PHLPP1: variants seen among roughly 807,000 people sequenced by gnomAD.
PHLPP1 encodes the protein PH domain and leucine rich repeat protein phosphatase 1.
A neutral mutation model predicts 117.2 loss-of-function variants in PHLPP1; 42 were observed. The ratio of observed to expected loss-of-function variants is 0.36; its 90% CI spans 0.28 to 0.46. PHLPP1 has a LOEUF of 0.46. Among genes scored for constraint, PHLPP1 ranks in the 20% least tolerant of loss-of-function variants. The pLI, the probability that PHLPP1 is intolerant of heterozygous loss-of-function variation, is 1.00. For synonymous variants in PHLPP1, 1,042 were observed against 970.7 expected (o/e 1.07, Z -1.37); for missense variants, 2,084 against 2,241.9 (o/e 0.93, Z 1.42).
At position 62,742,572 on chromosome 18, in the gene PHLPP1, A is replaced by G. The variant is rs552365694; in HGVS notation, c.1576+25313A>G. On this transcript the variant is annotated intron_variant, in intron 1 of 16. Coordinates refer to ENST00000262719, the MANE Select transcript of PHLPP1 (RefSeq NM_194449.4). ...TGCCTCAGCCTCCTGAGTAGCTGGG[A>G]CTGCAGGTGCCCACCGCCATGCCTG... Among the ~76,000 whole-genome samples, 10 of 152,032 alleles carry G rather than the reference A, an allele frequency of 6.6e-5. No homozygotes were observed. In the South Asian group the frequency reaches 2.1e-3, roughly 32 times the overall value.
At chr18:62,951,610 ATTTCT>A (rs1910459921) in intron 12 of PHLPP1, among the ~76,000 whole-genome samples, 1 of 151,948 alleles carries the variant, frequency 6.6e-6, no homozygotes, top group African/African-American at 2.4e-5. Context: ...TCACTTGTAA[ATTTCT>A]TTTCAAGTCT....
intron 14 of PHLPP1, among the ~76,000 whole-genome samples, chr18:62,970,235 C>T (rs1238773567): frequency 6.6e-6 from 1 of 152,100 alleles, no homozygotes; most frequent in Non-Finnish European, 1.5e-5. Context: ...TGTACTTCTC[C>T]TTCTCCTGTC....
intron 1 of PHLPP1, among the ~76,000 whole-genome samples, chr18:62,797,230 A>G (rs1341334537): frequency 1.3e-5 from 2 of 152,188 alleles, no homozygotes; most frequent in South Asian, 2.1e-4. Flanking sequence ...CATCTTAAAC[A>G]TTTTTTACCA....
Position 62,975,580 on chromosome 18 carries a change from A to G in PHLPP1, c.3939A>G (p.Glu1313=), listed in dbSNP as rs1217375601. 2 of 1,613,980 alleles carry G rather than the reference A, an allele frequency of 1.2e-6. No individual in the cohort carries two copies. Among genetic ancestry groups the G allele is most frequent in the Non-Finnish European group, 1.7e-6 (2 of 1,179,816 alleles). ...CCAGATCTTACATCATGAGCTGTGA[A>G]GAAGAGCTGAAGAGGATTAAACAGC... ...PLSRSYIMSC[E]EELKRIKQHK... Residue 1313 remains glutamate (E), a synonymous_variant, in exon 16 of 17, where the codon GAA becomes GAG. Transcript: ENST00000262719.
chr18:62,782,664 GT>G (rs1281739660), intron 1 of PHLPP1, among the ~76,000 whole-genome samples: 2 of 152,116 alleles, frequency 1.3e-5, no homozygotes, highest in Non-Finnish European at 2.9e-5. Context: ...TCAATAATAT[GT>G]GATTTTATCC....
Position 62,920,069 on chromosome 18 carries a change from A to G in PHLPP1, c.2915A>G (p.Asn972Ser). 6.2e-7 allele frequency: 1 copy of G among 1,613,650 alleles called. No individual in the cohort carries two copies. Among genetic ancestry groups the G allele is most frequent in the Non-Finnish European group, 8.5e-7 (1 of 1,179,696 alleles). ...TSVEVLDVQHNQLLELPPNLL... is the reference protein window; with the variant it reads ...TSVEVLDVQHSQLLELPPNLL... ...GTGGAGGTCTTGGATGTGCAACACA[A>G]CCAGCTCCTTGAGCTCCCACCTAAC... is the stretch of plus-strand genomic sequence containing the variant. Residue 972 changes from asparagine to serine, a missense_variant, in exon 10 of 17, where the codon AAC becomes AGC. Asn to Ser is a conservative substitution (Grantham distance 46). Around this residue, in one of 2 missense-constraint regions of PHLPP1, gnomAD observed 1,365 missense variants for 1,605.9 expected, o/e 0.85. Coordinates refer to ENST00000262719, the MANE Select transcript of PHLPP1 (RefSeq NM_194449.4).
rs780209100 is a variant in PHLPP1, at chr18:62,941,763, T to A, written c.3006T>A (p.Pro1002=). The change falls in exon 11 of 17, where the codon CCT becomes CCA. Residue 1002 remains proline, a synonymous_variant. Transcript: ENST00000262719. ...CTGCGAACAAACTGGAAAGCCTTCC[T>A]CCAGCCACGCTTTCCGAAGAGACAA... ...NASANKLESL[P]PATLSEETNS... The A allele has an allele frequency of 6.2e-7, 1 of 1,613,890 alleles. No homozygotes were observed. The highest frequency in any genetic ancestry group is 8.5e-7 in the Non-Finnish European group (1 of 1,179,800).
chr18:62,743,089 A>T (rs1911577301), intron 1 of PHLPP1, among the ~76,000 whole-genome samples: 1 of 151,976 alleles, frequency 6.6e-6, no homozygotes, highest in Admixed American at 6.6e-5. Flanking sequence ...TACACTTTTT[A>T]TCCATAAACA....
chr18:62,808,618 T>C (rs1178051310), intron 1 of PHLPP1, among the ~76,000 whole-genome samples: 3 of 150,620 alleles, frequency 2.0e-5, no homozygotes, highest in Non-Finnish European at 4.4e-5. Context: ...AATGGCACCA[T>C]GTTGGCTCAC....
At chr18:62,729,773 T>A (rs1024700722) in intron 1 of PHLPP1, among the ~76,000 whole-genome samples, 1 of 152,222 alleles carries the variant, frequency 6.6e-6, no homozygotes, top group African/African-American at 2.4e-5. Flanking sequence ...ATGTTATTTT[T>A]AAAAAATTTG....
At chr18:62,963,059 G>A (rs1215937202) in intron 13 of PHLPP1, among the ~76,000 whole-genome samples, 2 of 152,168 alleles carry the variant, frequency 1.3e-5, no homozygotes, top group Admixed American at 1.3e-4. Flanking sequence ...TCATGCCAAG[G>A]CTGAGAGCTG....
chr18:62,722,667 A>G (rs896247221), intron 1 of PHLPP1, among the ~76,000 whole-genome samples: 12 of 152,206 alleles, frequency 7.9e-5, no homozygotes, highest in African/African-American at 2.9e-4. Flanking sequence ...ATATAATTAA[A>G]CAAAATCCAC....
intron 1 of PHLPP1, among the ~76,000 whole-genome samples, chr18:62,784,000 C>T (rs1913204030): frequency 6.6e-6 from 1 of 151,604 alleles, no homozygotes; most frequent in South Asian, 2.1e-4. Context: ...CTGCTGGCTA[C>T]AGCTCAGAGC....
chr18:62,784,824 C>T (rs911349447), intron 1 of PHLPP1, among the ~76,000 whole-genome samples: 6 of 151,982 alleles, frequency 3.9e-5, no homozygotes, highest in South Asian at 2.1e-4. Flanking sequence ...TCCTTTTTGA[C>T]GTAGTTGCCG....
At chr18:62,877,152 T>C (rs1169690914) in intron 4 of PHLPP1, among the ~76,000 whole-genome samples, 2 of 152,352 alleles carry the variant, frequency 1.3e-5, no homozygotes, top group African/African-American at 4.8e-5. Context: ...CCTTATTTCC[T>C]ATTCTGCTCT....
chr18:62,905,438 T>G (rs1191483438), intron 8 of PHLPP1, among the ~76,000 whole-genome samples, 154 bp downstream of exon 8: 2 of 152,170 alleles, frequency 1.3e-5, no homozygotes, highest in African/African-American at 4.8e-5. Flanking sequence ...TATATATCTA[T>G]TGATTAAAAT....
At chr18:62,918,205 C>CAA (rs11317555) in intron 9 of PHLPP1, among the ~76,000 whole-genome samples, 39 of 80,516 alleles carry the variant, frequency 4.8e-4, no homozygotes, top group South Asian at 8.9e-4. Flanking sequence ...GACTCTGTCT[C>CAA]AAAAAAAAAA....
At chr18:62,842,665 A>G (rs947933794) in intron 3 of PHLPP1, among the ~76,000 whole-genome samples, 1 of 152,192 alleles carries the variant, frequency 6.6e-6, no homozygotes, top group Non-Finnish European at 1.5e-5. Context: ...TGCCTGGCCT[A>G]GTAAATGCAG....
rs779226993 is a variant in PHLPP1 at position 62,903,178 on chromosome 18, A to G, written c.2647+12A>G. On this transcript the variant is annotated intron_variant, in intron 7 of 16. Transcript: ENST00000262719. ...TGCCTCTTCTAATGGTATGTATCAT[A>G]GGCTACATCAAAGTTGCTCTTTTGG... 6.4e-7 allele frequency: 1 copy of G among 1,569,152 alleles called. No individual in the cohort carries two copies. The highest frequency in any genetic ancestry group is 8.8e-7 in the Non-Finnish European group (1 of 1,142,748).
Sources: gnomAD v4.1 joint callset for allele counts (sites outside exome capture counted in the v4.1 genomes callset) on GRCh38, gnomAD v4.1.1 for gene constraint, gnomAD v4.1.1 regional missense constraint, MANE v1.5 for transcripts, NCBI Gene and HGNC (gene_info 2026-07-23, HGNC 2026-07-21) for gene names.